The following ZPLD1 variants were observed in gnomAD, a reference collection of about 807,000 sequenced individuals.
The protein encoded by ZPLD1 is zona pellucida-like domain-containing protein 1.
Under a neutral mutation model 47.2 loss-of-function variants are expected in ZPLD1, and 34 were observed. The observed-to-expected ratio is 0.72, with a 90% CI of 0.55 to 0.96. The LOEUF is 0.96. Among genes scored for constraint, ZPLD1 ranks in the 40% least tolerant of loss-of-function variants. The pLI, the probability that ZPLD1 is intolerant of heterozygous loss-of-function variation, is 0.00. For missense variants in ZPLD1, 512 were observed against 505.8 expected (o/e 1.01, Z -0.12); for synonymous variants, 176 against 186.2 (o/e 0.95, Z 0.45).
At chr3:102,448,916 C>A (rs1707296945) in intron 3 of ZPLD1, among the ~76,000 whole-genome samples, 1 of 152,174 alleles carries the variant, frequency 6.6e-6, no homozygotes, top group Non-Finnish European at 1.5e-5. Flanking sequence ...TGCAATGATA[C>A]TTGTTCTATT....
intron 6 of ZPLD1, 149 bp downstream of exon 6, chr3:102,458,002 A>G (rs1228042000): frequency 1.5e-6 from 1 of 669,298 alleles, no homozygotes; most frequent in African/African-American, 1.8e-5. Context: ...CCATTTTCAT[A>G]TATCTTAGTG....
intron 7 of ZPLD1, among the ~76,000 whole-genome samples, chr3:102,412,553 T>C (rs1576131508): frequency 6.6e-6 from 1 of 151,914 alleles, no homozygotes; most frequent in South Asian, 2.1e-4. Flanking sequence ...AACTTGGAGA[T>C]GATGTATTAG....
chr3:102,401,316 G>T (rs1463663991), intron 7 of ZPLD1, among the ~76,000 whole-genome samples: 1 of 152,064 alleles, frequency 6.6e-6, no homozygotes, highest in Non-Finnish European at 1.5e-5. Flanking sequence ...ATTTCTAGAT[G>T]CAGTCCTTAC....
At chr3:102,468,023 C>T (rs1707625071) in intron 8 of ZPLD1, among the ~76,000 whole-genome samples, 1 of 151,898 alleles carries the variant, frequency 6.6e-6, no homozygotes, top group African/African-American at 2.4e-5. Flanking sequence ...AGACACAAAC[C>T]ATTTTCAGAT....
At chr3:102,454,964 A>T (rs1032367335) in intron 4 of ZPLD1, among the ~76,000 whole-genome samples, 1 of 152,168 alleles carries the variant, frequency 6.6e-6, no homozygotes, top group Non-Finnish European at 1.5e-5. Context: ...GGAGGGGAAG[A>T]TTTGCTTATC....
At chr3:102,428,127 T>C (rs1251249040) in intron 8 of ZPLD1, among the ~76,000 whole-genome samples, 1 of 152,186 alleles carries the variant, frequency 6.6e-6, no homozygotes, top group Non-Finnish European at 1.5e-5. Context: ...ATAAAAATAG[T>C]ATGTGTAGTC....
intron 7 of ZPLD1, among the ~76,000 whole-genome samples, chr3:102,408,928 A>G (rs1269067025): frequency 6.6e-6 from 1 of 151,842 alleles, no homozygotes; most frequent in Non-Finnish European, 1.5e-5. Context: ...AACATACTTG[A>G]TTCTTAAAAT....
chr3:102,435,181 A>G, intron 1 of ZPLD1, 27 bp downstream of exon 1: 4 of 1,613,432 alleles, frequency 2.5e-6, no homozygotes, highest in South Asian at 1.1e-5. Flanking sequence ...GAAATTTGCA[A>G]GATAATAGTT....
At chr3:102,453,223 C>A in intron 4 of ZPLD1, 84 bp downstream of exon 4, 1 of 1,241,476 alleles carries the variant, frequency 8.1e-7, no homozygotes, top group Non-Finnish European at 1.1e-6. Context: ...GATGCCCAAT[C>A]TATCTCTTGA....
chr3:102,408,669 A>G (rs1706718587), intron 7 of ZPLD1, among the ~76,000 whole-genome samples: 1 of 151,822 alleles, frequency 6.6e-6, no homozygotes, highest in Non-Finnish European at 1.5e-5. Flanking sequence ...GAAACAGTCT[A>G]AAAAAAGAAT....
chr3:102,431,564 T>C (rs1189492069), upstream of ZPLD1, among the ~76,000 whole-genome samples: 3 of 152,292 alleles, frequency 2.0e-5, no homozygotes, highest in Non-Finnish European at 4.4e-5. Flanking sequence ...AGACACCCCA[T>C]CAGAGAACAT....
intron 6 of ZPLD1, among the ~76,000 whole-genome samples, chr3:102,386,931 TTTTAATAAGATGTTTATGCTGTTA>T (rs1205803146): frequency 1.3e-5 from 2 of 152,228 alleles, no homozygotes; most frequent in Non-Finnish European, 2.9e-5. Flanking sequence ...ATCTTAGCAT[TTTTAATAAGATGTTTATGCTGTTA>T]TTTCTTGATG....
At chr3:102,408,032 G>T (rs985821894) in intron 7 of ZPLD1, among the ~76,000 whole-genome samples, 4 of 151,760 alleles carry the variant, frequency 2.6e-5, no homozygotes, top group African/African-American at 9.7e-5. Context: ...GTATGTCACA[G>T]AAACTTAAAG....
At chr3:102,405,017 C>A (rs1193905271) in intron 7 of ZPLD1, among the ~76,000 whole-genome samples, 2 of 151,972 alleles carry the variant, frequency 1.3e-5, no homozygotes, top group Non-Finnish European at 2.9e-5. Flanking sequence ...ATATTAGTAT[C>A]TTTGAGCTTG....
intron 7 of ZPLD1, among the ~76,000 whole-genome samples, chr3:102,392,457 C>T (rs1440978390): frequency 6.6e-6 from 1 of 152,042 alleles, no homozygotes. Flanking sequence ...CAAGGTGGTG[C>T]AGGGTATCAC....
At chr3:102,440,359 G>A (rs1202490178) in intron 3 of ZPLD1, among the ~76,000 whole-genome samples, 1 of 152,146 alleles carries the variant, frequency 6.6e-6, no homozygotes, top group African/African-American at 2.4e-5. Context: ...AGATATTTTT[G>A]TGGTAGACTC....
intron 4 of ZPLD1, among the ~76,000 whole-genome samples, chr3:102,454,374 GGAAAGAGCCTATGTGGAGAT>G (rs1454782792): frequency 6.6e-6 from 1 of 152,160 alleles, no homozygotes; most frequent in Non-Finnish European, 1.5e-5. Context: ...CTGTGTGGAA[GGAAAGAGCCTATGTGGAGAT>G]GAGCAGCATT....
intron 3 of ZPLD1, among the ~76,000 whole-genome samples, chr3:102,451,825 T>C (rs1377885135): frequency 6.6e-6 from 1 of 152,174 alleles, no homozygotes; most frequent in African/African-American, 2.4e-5. Context: ...GTTTCTTTTA[T>C]AAGGACACCA....
At chr3:102,387,260 G>A (rs916143544) in intron 6 of ZPLD1, among the ~76,000 whole-genome samples, 1 of 152,110 alleles carries the variant, frequency 6.6e-6, no homozygotes, top group African/African-American at 2.4e-5. Flanking sequence ...CATCACAGTT[G>A]ATAAAAACAC....
Sources: gnomAD v4.1 joint callset for allele counts (sites outside exome capture counted in the v4.1 genomes callset) on GRCh38, gnomAD v4.1.1 for gene constraint, MANE v1.5 for transcripts, NCBI Gene and HGNC (gene_info 2026-07-23, HGNC 2026-07-21) for gene names.